Variants in CDH26 observed in about 807,000 individuals in gnomAD.
CDH26 encodes the protein cadherin 26.
A neutral mutation model predicts 90.3 loss-of-function variants in CDH26; 83 were observed. The observed-to-expected ratio is 0.92, with a 90% confidence interval of 0.77 to 1.10. The LOEUF (loss-of-function observed/expected upper bound fraction) is 1.10, where lower values mean the gene tolerates loss of function less well. Ranked by LOEUF, CDH26 falls within the 50% of genes least tolerant of loss-of-function variation. The pLI, the probability that CDH26 is intolerant of heterozygous loss-of-function variation, is 0.00. For synonymous variants in CDH26, 397 were observed against 396.3 expected (o/e 1.00, Z -0.02); for missense variants, 1,013 against 1,037.6 (o/e 0.98, Z 0.33).
intron 4 of CDH26, among the ~76,000 whole-genome samples, chr20:59,975,503 G>C (rs1041273446): frequency 1.1e-4 from 17 of 152,178 alleles, no homozygotes; most frequent in Non-Finnish European, 1.9e-4. Context: ...AAGCCATGGG[G>C]GTCTATGGTA....
chr20:60,000,285 G>T (rs937335270), intron 14 of CDH26, among the ~76,000 whole-genome samples: 2 of 152,328 alleles, frequency 1.3e-5, no homozygotes, highest in Non-Finnish European at 2.9e-5. Context: ...GTGCAAATCA[G>T]TGTTATTTAA....
intron 3 of CDH26, among the ~76,000 whole-genome samples, 165 bp downstream of exon 3, chr20:59,970,351 A>G (rs879756878): frequency 2.6e-5 from 4 of 151,946 alleles, no homozygotes; most frequent in Non-Finnish European, 5.9e-5. Flanking sequence ...GGGTTCTAGA[A>G]CTCACTCTAA....
At chr20:59,987,882 A>C (rs762587620) in intron 8 of CDH26, among the ~76,000 whole-genome samples, 6 of 152,144 alleles carry the variant, frequency 3.9e-5, no homozygotes, top group Non-Finnish European at 8.8e-5. Flanking sequence ...TAAATACTTC[A>C]CCATTTAATT....
At chr20:59,959,779 G>A (rs2061044298) in intron 1 of CDH26, among the ~76,000 whole-genome samples, 1 of 152,138 alleles carries the variant, frequency 6.6e-6, no homozygotes, top group Non-Finnish European at 1.5e-5. Context: ...GGCAATTTGA[G>A]CAAACCCATG....
downstream of CDH26, among the ~76,000 whole-genome samples, chr20:60,014,885 C>A (rs942774823): frequency 5.3e-5 from 8 of 152,184 alleles, no homozygotes; most frequent in African/African-American, 1.9e-4. Context: ...ATACTCTTCT[C>A]CAAAGTGCCT....
rs2061172159 is a variant in CDH26, at chr20:59,967,819, TTCTTTCTTTCTTTC to T, written c.70-1146_70-1133del. Among the ~76,000 whole-genome samples the T allele has an allele frequency of 9.5e-5, 3 of 31,424 alleles. No individual in the cohort carries two copies. The Admixed American group carries it at 9.7e-4, about 10-fold the overall frequency. The allele number at this position is 31,424 out of a possible 152,430, so 20.6% of individuals were successfully genotyped here. A position where few individuals can be genotyped will look rare whatever the true frequency, so the allele number is the denominator to read the frequency against. On this transcript the variant is annotated intron_variant, in intron 1 of 17. Coordinates refer to ENST00000348616, the MANE Select transcript of CDH26 (RefSeq NM_177980.4). ...CTCCCTCCCTCCCTCCCTCATTTCT[TTCTTTCTTTCTTTC>T]TTTCTTTCTTTCTTTCTTTCTTTCT... is the stretch of plus-strand genomic sequence containing the variant.
intron 12 of CDH26, 107 bp from the exon 13 acceptor site, chr20:59,996,524 C>A: frequency 6.2e-7 from 1 of 1,613,840 alleles, no homozygotes; most frequent in Non-Finnish European, 8.5e-7. Flanking sequence ...CGCAATTTGG[C>A]CTTGCCAGTT....
intron 1 of CDH26, among the ~76,000 whole-genome samples, chr20:59,959,826 A>G (rs2061044980): frequency 6.6e-6 from 1 of 152,234 alleles, no homozygotes; most frequent in African/African-American, 2.4e-5. Flanking sequence ...CCCAACTGCC[A>G]CTGTTTAAAT....
In CDH26 at chr20:59,987,510, C is replaced by T. The variant is rs374879673; in HGVS notation, c.895C>T (p.Gln299Ter). ...CCAGGGCGTGTTGCGTCTCCTGGTT[C>T]AAGATCGAGATTCTCCATTTACATC... ...ASQGVLRLLVQDRDSPFTSAW... is the reference protein window; with the variant it reads ...ASQGVLRLLV Residue 299 changes from glutamine (Q) to a stop codon, truncating the protein, a stop_gained, in exon 8 of 18, where the codon CAA (glutamine) becomes TAA (stop). Transcript: ENST00000348616. LOFTEE classifies it high-confidence loss of function. The T allele has an allele frequency of 3.9e-5, 63 of 1,613,712 alleles. No homozygotes were observed. Among genetic ancestry groups the T allele is most frequent in the Non-Finnish European group, 5.1e-5 (60 of 1,179,914 alleles).
At chr20:60,011,607 C>A (rs1166211113) in intron 17 of CDH26, among the ~76,000 whole-genome samples, 1 of 152,206 alleles carries the variant, frequency 6.6e-6, no homozygotes, top group Non-Finnish European at 1.5e-5. Context: ...TCCGTGAAAG[C>A]AGCCACAGAT....
At chr20:60,032,474 T>C (rs1047544346) in intron 8 of CDH26, among the ~76,000 whole-genome samples, 1 of 152,146 alleles carries the variant, frequency 6.6e-6, no homozygotes, top group African/African-American at 2.4e-5. Context: ...TCAAAACTCA[T>C]TTAGATGATG....
In CDH26 at chr20:60,031,279, C is replaced by G; in HGVS notation, c.997C>G (p.Gln333Glu). The change falls in exon 8 of 9, where the codon CAG becomes GAG. Residue 333 changes from glutamine to glutamate, a missense_variant. Coordinates refer to the CDH26 transcript ENST00000370991. ...CCTCAGCAGGGGCTGCATCATCCCCCAGGGAAGAGCCACAGCTGGGCGAGG... is the reference window on the plus strand; with the variant it reads ...CCTCAGCAGGGGCTGCATCATCCCCGAGGGAAGAGCCACAGCTGGGCGAGG... 3.1e-6 allele frequency: 4 copies of G among 1,277,256 alleles called. No individual in the cohort carries two copies. In the South Asian group the frequency reaches 5.2e-5, roughly 17 times the overall value. 79.1% of individuals were successfully genotyped at this position (1,277,256 alleles called of 1,614,324 possible).
At chr20:59,974,858 AT>A (rs1400743055) in intron 4 of CDH26, among the ~76,000 whole-genome samples, 4 of 152,022 alleles carry the variant, frequency 2.6e-5, no homozygotes, top group African/African-American at 9.7e-5. Context: ...TGAAATGTGA[AT>A]TTTGTGTTTA....
rs2061590675 is a variant in CDH26 at position 59,995,974 on chromosome 20, G to A, written c.1808G>A (p.Cys603Tyr). The A allele has an allele frequency of 6.2e-7, 1 of 1,614,100 alleles. No homozygotes were observed. The highest frequency in any genetic ancestry group is 8.5e-7 in the Non-Finnish European group (1 of 1,180,052). Residue 603 changes from cysteine to tyrosine, a missense_variant, in exon 12 of 18, where the codon TGT becomes TAT. By Grantham distance (194) the Cys-to-Tyr change is radical (BLOSUM62 -2). Coordinates refer to ENST00000348616, the MANE Select transcript of CDH26 (RefSeq NM_177980.4). ...TGCCCCTGTGCCAGTGGGCTCACAT[G>A]TGTGGAGCTTGCAGATGCAGAAGTG... Reference protein sequence around the residue: ...RICPCASGLTCVELADAEVGL... With the variant: ...RICPCASGLTYVELADAEVGL...
rs1419776502 is a variant in CDH26, at chr20:60,031,081, C to T, written c.948-150C>T. 3 of 900,960 alleles carry T rather than the reference C, an allele frequency of 3.3e-6. No homozygotes were observed. In the East Asian group the frequency reaches 3.5e-4, roughly 106 times the overall value. 55.8% of individuals were successfully genotyped at this position (900,960 alleles called of 1,614,324 possible). ...AAGGGGTGGGTTATTCATGCTTCCC[C>T]TTTTTAGGCCATGTAGGATAACTTC... On this transcript the variant is annotated intron_variant, in intron 7 of 8. Transcript: ENST00000370991.
Position 59,992,590 on chromosome 20 carries a change from G to A in CDH26, c.1426+70G>A. On this transcript the variant is annotated intron_variant, in intron 10 of 17. Transcript: ENST00000348616. The surrounding 1 kb of genome is among the most constrained non-coding windows in gnomAD (Gnocchi z 5.0). ...CTTCCTGCGGGAAAATAACCCTGGT[G>A]AGCGTCTTTCAGCACAGCAGAGAAA... is the stretch of plus-strand genomic sequence containing the variant. The A allele has an allele frequency of 2.0e-6, 3 of 1,514,042 alleles. No homozygotes were observed. The highest frequency in any genetic ancestry group is 1.1e-5 in the South Asian group (1 of 88,762). The allele number at this position is 1,514,042 out of a possible 1,614,324, so 93.8% of individuals were successfully genotyped here.
chr20:59,992,656 G>A lies in CDH26; in HGVS notation c.1426+136G>A. The A allele has an allele frequency of 1.2e-6, 1 of 858,102 alleles. No homozygotes were observed. Among genetic ancestry groups the A allele is most frequent in the East Asian group, 2.6e-5 (1 of 38,566 alleles). 53.2% of individuals were successfully genotyped at this position (858,102 alleles called of 1,614,324 possible). ...TTGTTATCACTCTGCATCCATGCTG[G>A]TGATTATTTTTGGTAATAATTCTTA... On this transcript the variant is annotated intron_variant, in intron 10 of 17. Transcript: ENST00000348616. This position sits in a 1 kb window ranked among gnomAD's most constrained non-coding sequence, Gnocchi z 5.0.
chr20:59,977,327 G>C (rs545007573), intron 4 of CDH26, among the ~76,000 whole-genome samples: 65 of 152,232 alleles, frequency 4.3e-4, no homozygotes, highest in African/African-American at 1.5e-3. Flanking sequence ...CCACCCTCGT[G>C]CCAGGATCCG....
Position 59,958,635 on chromosome 20 carries a change from G to A in CDH26, c.-92G>A. The A allele has an allele frequency of 8.4e-7, 1 of 1,195,770 alleles. No individual in the cohort carries two copies. Among genetic ancestry groups the A allele is most frequent in the Non-Finnish European group, 1.2e-6 (1 of 809,070 alleles). 74.1% of individuals were successfully genotyped at this position (1,195,770 alleles called of 1,614,324 possible). ...AAAACCTTTAGAGAAGAAGCTGCTG[G>A]CTGAGAAGGAGGTGTGTGGCTCCGG... On this transcript the variant is annotated 5_prime_UTR_variant, in exon 1 of 18. Coordinates refer to ENST00000348616, the MANE Select transcript of CDH26 (RefSeq NM_177980.4).
Sources: gnomAD v4.1 joint callset for allele counts (sites outside exome capture counted in the v4.1 genomes callset) on GRCh38, gnomAD v4.1.1 for gene constraint, Gnocchi (gnomAD v3.1) non-coding constraint, MANE v1.5 for transcripts, NCBI Gene and HGNC (gene_info 2026-07-23, HGNC 2026-07-21) for gene names.